DECR1: variants seen among roughly 807,000 people sequenced by gnomAD.
DECR1 encodes 2,4-dienoyl-CoA reductase [(3E)-enoyl-CoA-producing], mitochondrial.
In DECR1, 44 loss-of-function variants were observed where a neutral mutation model predicts 38.8. The ratio of observed to expected loss-of-function variants is 1.13; its 90% CI spans 0.89 to 1.46. The LOEUF is 1.46. DECR1 is among the 40% of genes most tolerant of loss of function. DECR1 has a pLI of 0.00. For missense variants in DECR1, 428 were observed against 405.5 expected (o/e 1.06, Z -0.48); for synonymous variants, 148 against 135.2 (o/e 1.09, Z -0.66).
At chr8:90,010,174 G>T (rs922740823) in intron 1 of DECR1, among the ~76,000 whole-genome samples, 1 of 152,170 alleles carries the variant, frequency 6.6e-6, no homozygotes, top group African/African-American at 2.4e-5. Flanking sequence ...CCTGCTATAA[G>T]TTAAGGAGCA....
chr8:90,019,213 A>C, intron 4 of DECR1, 41 bp downstream of exon 4: 1 of 1,500,360 alleles, frequency 6.7e-7, no homozygotes. Context: ...AAGACACTTG[A>C]TGTTGATAAC....
chr8:90,027,625 A>T (rs1456884248), intron 5 of DECR1, among the ~76,000 whole-genome samples: 1 of 151,922 alleles, frequency 6.6e-6, no homozygotes, highest in African/African-American at 2.4e-5. Flanking sequence ...TGCAGGTGAG[A>T]TGGGTCTCCT....
intron 1 of DECR1, among the ~76,000 whole-genome samples, chr8:90,003,581 T>C (rs1812670456): frequency 6.6e-6 from 1 of 152,244 alleles, no homozygotes; most frequent in Non-Finnish European, 1.5e-5. Context: ...TTTGGCAATT[T>C]GTGGTTGAAA....
chr8:90,012,757 T>C (rs1812917457), intron 1 of DECR1, among the ~76,000 whole-genome samples: 1 of 152,158 alleles, frequency 6.6e-6, no homozygotes. Flanking sequence ...TTGAAATGAA[T>C]TGTGGCAACT....
At chr8:90,021,334 T>G (rs1331955306) in intron 5 of DECR1, among the ~76,000 whole-genome samples, 3 of 152,132 alleles carry the variant, frequency 2.0e-5, no homozygotes, top group Non-Finnish European at 4.4e-5. Context: ...AGCTGAAAGT[T>G]CAAAGATCTA....
intron 1 of DECR1, among the ~76,000 whole-genome samples, chr8:90,007,296 C>T (rs1401073412): frequency 1.3e-5 from 2 of 152,276 alleles, no homozygotes; most frequent in Admixed American, 1.3e-4. Context: ...TCTGGATATT[C>T]TGCAGCTACC....
intron 1 of DECR1, among the ~76,000 whole-genome samples, chr8:90,013,218 A>G (rs1812928380): frequency 6.6e-6 from 1 of 152,200 alleles, no homozygotes; most frequent in Non-Finnish European, 1.5e-5. Context: ...TGCTCAAAAG[A>G]TAACTCATTT....
At chr8:90,042,479 G>C in intron 6 of DECR1, 1 of 505,880 alleles carries the variant, frequency 2.0e-6, no homozygotes, top group South Asian at 2.4e-5. Flanking sequence ...TTGTACAGTA[G>C]AGTGACTAAG....
At chr8:90,013,087 G>C (rs531240420) in intron 1 of DECR1, among the ~76,000 whole-genome samples, 1 of 152,292 alleles carries the variant, frequency 6.6e-6, no homozygotes, top group East Asian at 1.9e-4. Flanking sequence ...CCATGCTCAA[G>C]AGTTTGATTT....
At chr8:90,018,519 A>G (rs1813065366) in intron 2 of DECR1, 1 of 153,712 alleles carries the variant, frequency 6.5e-6, no homozygotes, top group African/African-American at 2.5e-5. Flanking sequence ...TTTTAATAAT[A>G]ATTTCTATTC....
At chr8:90,039,667 A>T (rs1019231562) in intron 6 of DECR1, among the ~76,000 whole-genome samples, 2 of 152,144 alleles carry the variant, frequency 1.3e-5, no homozygotes, top group African/African-American at 2.4e-5. Flanking sequence ...TTCACCCATC[A>T]GCTCAGAATG....
intron 8 of DECR1, among the ~76,000 whole-genome samples, chr8:90,047,930 G>A (rs1482592339): frequency 6.6e-6 from 1 of 152,198 alleles, no homozygotes; most frequent in Non-Finnish European, 1.5e-5. Context: ...GTTCCTGAAT[G>A]ACTACTGGGT....
intron 1 of DECR1, among the ~76,000 whole-genome samples, chr8:90,016,046 C>T (rs10504887): frequency 2.9e-4 from 44 of 152,082 alleles, no homozygotes; most frequent in African/African-American, 1.0e-3. Flanking sequence ...TGATTAAATG[C>T]GAGAGAATGG....
intron 1 of DECR1, chr8:90,006,219 C>A: frequency 1.4e-6 from 1 of 704,154 alleles, no homozygotes; most frequent in Non-Finnish European, 2.6e-6. Flanking sequence ...ACTACCTGAA[C>A]TTCTCACAGT....
intron 3 of DECR1, 54 bp from the exon 4 acceptor site, chr8:90,019,032 T>C (rs1813081083): frequency 1.9e-6 from 3 of 1,591,910 alleles, no homozygotes; most frequent in East Asian, 2.2e-5. Context: ...AATTTGTTCA[T>C]GCGTTTGGTT....
Position 90,052,008 on chromosome 8 carries a change from A to G in DECR1, c.*111A>G. On this transcript the variant is annotated 3_prime_UTR_variant, in exon 10 of 10. Transcript: ENST00000220764. ...ATAAATTCTTAATTAACAAACATTC[A>G]TTGAATATGTATTATGTGCCAGGCC... is the stretch of plus-strand genomic sequence containing the variant. The G allele has an allele frequency of 1.1e-6, 1 of 922,066 alleles. No homozygotes were observed. Among genetic ancestry groups the G allele is most frequent in the Non-Finnish European group, 1.7e-6 (1 of 587,298 alleles). The allele number at this position is 922,066 out of a possible 1,614,324, so 57.1% of individuals were successfully genotyped here.
intron 5 of DECR1, among the ~76,000 whole-genome samples, chr8:90,035,650 G>A (rs1250840382): frequency 4.6e-5 from 7 of 151,546 alleles, no homozygotes; most frequent in African/African-American, 9.7e-5. Context: ...GTCATTTCTG[G>A]GACTCTTTGT....
intron 6 of DECR1, chr8:90,042,493 A>G: frequency 1.9e-6 from 1 of 540,084 alleles, no homozygotes; most frequent in Non-Finnish European, 3.3e-6. Context: ...GACTAAGGGT[A>G]CAGACTGAAG....
chr8:90,029,623 G>A (rs1354083189), intron 5 of DECR1, among the ~76,000 whole-genome samples: 6 of 152,172 alleles, frequency 3.9e-5, no homozygotes, highest in African/African-American at 1.4e-4. Context: ...ACATTATACT[G>A]TTTTTACAGT....
Sources: allele counts gnomAD v4.1 joint callset (sites outside exome capture counted in the v4.1 genomes callset), GRCh38; gene constraint gnomAD v4.1.1; transcripts MANE v1.5; gene names NCBI Gene and HGNC (gene_info 2026-07-23, HGNC 2026-07-21).